INTS13: variants seen among roughly 807,000 people sequenced by gnomAD.
The protein encoded by INTS13 is integrator complex subunit 13.
INTS13 carries 35 observed loss-of-function variants against 90.2 expected under a neutral mutation model. That is an observed-to-expected ratio of 0.39 (90% CI 0.30 to 0.51). The LOEUF (loss-of-function observed/expected upper bound fraction) is 0.51, where lower values mean the gene tolerates loss of function less well. INTS13 is among the 20% of genes least tolerant of loss of function. INTS13 has a pLI of 0.80. For missense variants in INTS13, 601 were observed against 851.2 expected (o/e 0.71, Z 3.66); for synonymous variants, 309 against 277.1 (o/e 1.11, Z -1.14).
In INTS13 at chr12:26,913,553, C is replaced by T. The variant is rs772456262; in HGVS notation, c.1709G>A (p.Arg570Gln). The T allele has an allele frequency of 5.0e-6, 8 of 1,613,968 alleles. No individual in the cohort carries two copies. The highest frequency in any genetic ancestry group is 4.2e-6 in the Non-Finnish European group (5 of 1,180,028). The change falls in exon 14 of 17, where the codon CGA becomes CAA. Residue 570 changes from arginine (R) to glutamine (Q), a missense_variant. Around this residue, in one of 3 missense-constraint regions of INTS13, gnomAD observed 228 missense variants for 272.5 expected, o/e 0.84. Coordinates refer to ENST00000261191, the MANE Select transcript of INTS13 (RefSeq NM_018164.3). ...CRSKPPEEEE[R>Q]KKRGRKREDK... ...TTCCCTCTTTCTTCCTCGTTTCTTTCGTTCTTCCTCTTCTGGGGGTTTGCT... is the reference window on the plus strand; with the variant it reads ...TTCCCTCTTTCTTCCTCGTTTCTTTTGTTCTTCCTCTTCTGGGGGTTTGCT...
intron 15 of INTS13, among the ~76,000 whole-genome samples, chr12:26,908,770 T>G (rs756927807): frequency 1.8e-4 from 27 of 151,834 alleles, no homozygotes; most frequent in Non-Finnish European, 3.2e-4. Flanking sequence ...TAAAATAGAA[T>G]GAAGGAAAAA....
Position 26,922,638 on chromosome 12 carries a change from T to G in INTS13, c.867A>C (p.Ala289=). 6.3e-7 allele frequency: 1 copy of G among 1,580,356 alleles called. No homozygotes were observed. Among genetic ancestry groups the G allele is most frequent in the Non-Finnish European group, 8.6e-7 (1 of 1,162,688 alleles). ...YDVELLHHKD[A]HVDFLKSGDS... is the part of the protein sequence containing the mutation. ...TACCACTTTTCAGGAAATCTACATG[T>G]GCATCTTTGTGATGAAGTAGCTCCA... Residue 289 remains alanine, a synonymous_variant, in exon 8 of 17, where the codon GCA becomes GCC. Coordinates refer to ENST00000261191, the MANE Select transcript of INTS13 (RefSeq NM_018164.3).
intron 13 of INTS13, 129 bp from the exon 14 acceptor site, chr12:26,913,816 C>T (rs1951858447): frequency 1.8e-6 from 2 of 1,113,262 alleles, no homozygotes; most frequent in African/African-American, 1.6e-5. Flanking sequence ...AAATTCTAGG[C>T]TACAATATAT....
chr12:26,929,178 CAATA>C (rs771906912), intron 3 of INTS13: 26 of 277,260 alleles, frequency 9.4e-5, no homozygotes, highest in Non-Finnish European at 1.4e-4. Flanking sequence ...ATGATCATCT[CAATA>C]AACACAGAAA....
intron 10 of INTS13, 31 bp from the exon 11 acceptor site, chr12:26,916,211 T>C: frequency 1.3e-6 from 2 of 1,546,090 alleles, no homozygotes; most frequent in Non-Finnish European, 1.8e-6. Context: ...CTATCAGTAA[T>C]GAAACTCAAA....
intron 6 of INTS13, among the ~76,000 whole-genome samples, chr12:26,925,095 A>C (rs1937794394): frequency 6.6e-6 from 1 of 152,186 alleles, no homozygotes; most frequent in African/African-American, 2.4e-5. Flanking sequence ...TTAATAAAAA[A>C]GAGGCTTATG....
chr12:26,936,886 A>C (rs974290388), intron 1 of INTS13, 72 bp from the exon 2 acceptor site: 45 of 1,014,592 alleles, frequency 4.4e-5, no homozygotes, highest in Non-Finnish European at 6.3e-5. Flanking sequence ...TTTCTCAAGA[A>C]GATTGTCTTT....
chr12:26,909,585 T>C, intron 15 of INTS13, among the ~76,000 whole-genome samples: 1 of 152,008 alleles, frequency 6.6e-6, no homozygotes, highest in East Asian at 1.9e-4. Context: ...CTTAGAGTTC[T>C]ATTTACCAAG....
rs571229062 is a variant in INTS13 at position 26,920,155 on chromosome 12, G to A, written c.890-2422C>T. On this transcript the variant is annotated intron_variant, in intron 8 of 16. Transcript: ENST00000261191. ...AAAAAAAAAAAGATCTGGAACTTAG[G>A]GAAGGTATCTGGGCTAAAGTATAAG... Among the ~76,000 whole-genome samples the A allele has an allele frequency of 2.6e-5, 4 of 151,702 alleles. 1 individual carries two copies. The highest frequency in any genetic ancestry group is 9.7e-5 in the African/African-American group (4 of 41,378).
chr12:26,915,755 C>T (rs1204725103), intron 11 of INTS13, among the ~76,000 whole-genome samples: 2 of 152,156 alleles, frequency 1.3e-5, no homozygotes, highest in African/African-American at 4.8e-5. Context: ...TTTATTATTT[C>T]CTACAATTCC....
intron 3 of INTS13, among the ~76,000 whole-genome samples, chr12:26,932,098 A>C (rs1327488804): frequency 1.3e-5 from 2 of 151,852 alleles, no homozygotes; most frequent in Non-Finnish European, 2.9e-5. Context: ...AAAAAAAAAA[A>C]AAAAAAACAC....
chr12:26,921,620 C>T (rs997871736), intron 8 of INTS13, among the ~76,000 whole-genome samples: 2 of 152,136 alleles, frequency 1.3e-5, no homozygotes, highest in African/African-American at 2.4e-5. Flanking sequence ...TGTCGCTTTC[C>T]GTGGTTTCAG....
At chr12:26,917,325 TC>T (rs1951967476) in intron 10 of INTS13, 26 bp downstream of exon 10, 1 of 884,626 alleles carries the variant, frequency 1.1e-6, no homozygotes, top group Admixed American at 2.6e-5. Context: ...ATAATTTCAG[TC>T]AAAACCATTA....
chr12:26,922,841 T>C (rs964775158), intron 7 of INTS13, 141 bp from the exon 8 acceptor site: 7 of 497,914 alleles, frequency 1.4e-5, no homozygotes, highest in African/African-American at 1.4e-4. Flanking sequence ...GGATAATCTA[T>C]TTAAAGATGC....
Position 26,915,217 on chromosome 12 carries a change from ACT to A in INTS13, c.1249-641_1249-640del, listed in dbSNP as rs1174457471. Among the ~76,000 whole-genome samples, 9 of 152,244 alleles carry A rather than the reference ACT, an allele frequency of 5.9e-5. No individual in the cohort carries two copies. The East Asian group carries it at 1.7e-3, about 29-fold the overall frequency. ...CTCTAACCTGGGCAACAAGAGCGAA[ACT>A]CTGTCTCAAAACAAACAAACAAACA... On this transcript the variant is annotated intron_variant, in intron 11 of 16. Coordinates refer to ENST00000261191, the MANE Select transcript of INTS13 (RefSeq NM_018164.3).
At chr12:26,937,002 ACC>A (rs1167070921) in intron 1 of INTS13, among the ~76,000 whole-genome samples, 188 bp from the exon 2 acceptor site, 1 of 152,188 alleles carries the variant, frequency 6.6e-6, no homozygotes, top group Admixed American at 6.5e-5. Context: ...GTATCAATAC[ACC>A]ATATTAGGCT....
Position 26,928,294 on chromosome 12 carries a change from T to C in INTS13, c.504-9A>G. The C allele has an allele frequency of 6.3e-7, 1 of 1,599,314 alleles. No homozygotes were observed. Reference sequence around the variant, plus strand: ...TTCGCACATGACTATCACTATGGCATAAAAAAGATATAGCAAATTTAAAGG... The same window carrying C: ...TTCGCACATGACTATCACTATGGCACAAAAAAGATATAGCAAATTTAAAGG... On this transcript the variant is annotated splice_polypyrimidine_tract_variant and intron_variant, in intron 4 of 16. Transcript: ENST00000261191.
rs1162525762 is a variant in INTS13 at position 26,917,753 on chromosome 12, A to C, written c.890-20T>G. The C allele has an allele frequency of 6.5e-7, 1 of 1,543,468 alleles. No homozygotes were observed. Among genetic ancestry groups the C allele is most frequent in the Admixed American group, 1.7e-5 (1 of 59,924 alleles). On this transcript the variant is annotated intron_variant, in intron 8 of 16. Coordinates refer to ENST00000261191, the MANE Select transcript of INTS13 (RefSeq NM_018164.3). The stretch of plus-strand genomic sequence containing the variant: ...AATCACCTTTAAAAATATGTCAGAG[A>C]CATTACACATTGTATACATGTATCA...
intron 5 of INTS13, among the ~76,000 whole-genome samples, chr12:26,926,958 C>G (rs1324989821): frequency 6.6e-6 from 1 of 152,202 alleles, no homozygotes; most frequent in Non-Finnish European, 1.5e-5. Flanking sequence ...TAATCAATCA[C>G]ACCTACATGA....
Sources: gnomAD v4.1 joint callset for allele counts (sites outside exome capture counted in the v4.1 genomes callset) on GRCh38, gnomAD v4.1.1 for gene constraint, gnomAD v4.1.1 regional missense constraint, MANE v1.5 for transcripts, NCBI Gene and HGNC (gene_info 2026-07-23, HGNC 2026-07-21) for gene names.